The following DLGAP1 variants were observed in gnomAD, a reference collection of about 807,000 sequenced individuals.
DLGAP1 encodes the protein DLG associated protein 1.
DLGAP1 carries 11 observed loss-of-function variants against 90.8 expected under a neutral mutation model. The observed-to-expected ratio is 0.12, with a 90% confidence interval of 0.08 to 0.20. The LOEUF is 0.20. Among genes scored for constraint, DLGAP1 ranks in the 10% least tolerant of loss-of-function variants. The pLI, the probability that DLGAP1 is intolerant of heterozygous loss-of-function variation, is 1.00. For synonymous variants in DLGAP1, 558 were observed against 540.7 expected, an observed-to-expected ratio of 1.03 and a Z score of -0.44; for missense variants, 1,050 against 1,333.8, an observed-to-expected ratio of 0.79 and a Z score of 3.31.
At chr18:3,719,844 G>A (rs758599966) in intron 7 of DLGAP1, among the ~76,000 whole-genome samples, 1 of 152,092 alleles carries the variant, frequency 6.6e-6, no homozygotes, top group Non-Finnish European at 1.5e-5. Flanking sequence ...AAAAGAGAAA[G>A]GTTTTCAAAA....
intron 1 of DLGAP1, among the ~76,000 whole-genome samples, chr18:4,181,400 A>G (rs1034983476): frequency 3.3e-5 from 5 of 152,176 alleles, no homozygotes; most frequent in African/African-American, 1.2e-4. Context: ...ACCGAATCCA[A>G]CTGCTACAGG....
rs1726050595 is a variant in DLGAP1, at chr18:3,661,781, C to T, written c.1591+67354G>A. Among the ~76,000 whole-genome samples the T allele has an allele frequency of 2.0e-5, 3 of 151,774 alleles. No homozygotes were observed. In the South Asian group the frequency reaches 6.2e-4, roughly 32 times the overall value. On this transcript the variant is annotated intron_variant, in intron 7 of 12. Transcript: ENST00000315677. ...TATTTTAGCAGAGATGGGGTTTCAC[C>T]ATGTTGCTCAGGCTGGTCTCGAACT...
At chr18:3,704,502 A>G (rs765840845) in intron 7 of DLGAP1, among the ~76,000 whole-genome samples, 14 of 151,994 alleles carry the variant, frequency 9.2e-5, no homozygotes, top group Non-Finnish European at 1.9e-4. Context: ...CCCGGGAGGC[A>G]GAGGTTGCAG....
chr18:4,256,215 T>C (rs1479173863), intron 1 of DLGAP1, among the ~76,000 whole-genome samples: 1 of 152,140 alleles, frequency 6.6e-6, no homozygotes, highest in Non-Finnish European at 1.5e-5. Flanking sequence ...TGAGATGCCA[T>C]CTCTACAACA....
At chr18:3,823,349 A>C (rs2067527069) in intron 4 of DLGAP1, among the ~76,000 whole-genome samples, 1 of 152,204 alleles carries the variant, frequency 6.6e-6, no homozygotes, top group Non-Finnish European at 1.5e-5. Flanking sequence ...GATGCATGTG[A>C]CCTTAGGACT....
intron 7 of DLGAP1, among the ~76,000 whole-genome samples, chr18:3,650,096 T>G (rs1276004586): frequency 6.6e-6 from 1 of 152,192 alleles, no homozygotes; most frequent in Non-Finnish European, 1.5e-5. Flanking sequence ...CAGGCTGGAA[T>G]GCAGTTGCAC....
At chr18:4,275,875 A>AATATATCCAG (rs1393433892) in intron 1 of DLGAP1, among the ~76,000 whole-genome samples, 2 of 152,148 alleles carry the variant, frequency 1.3e-5, no homozygotes, top group African/African-American at 2.4e-5. Flanking sequence ...TAACAAAGAA[A>AATATATCCAG]ATATATCCAG....
At chr18:4,147,705 T>G (rs2076609995) in intron 2 of DLGAP1, among the ~76,000 whole-genome samples, 1 of 152,014 alleles carries the variant, frequency 6.6e-6, no homozygotes, top group Non-Finnish European at 1.5e-5. Context: ...GCATCAAAAA[T>G]CTTACTGTTG....
At chr18:4,412,512 G>A (rs2082801454) in intron 1 of DLGAP1, among the ~76,000 whole-genome samples, 1 of 152,240 alleles carries the variant, frequency 6.6e-6, no homozygotes, top group African/African-American at 2.4e-5. Flanking sequence ...TTACACTGAA[G>A]GAGCTGTGGC....
intron 2 of DLGAP1, among the ~76,000 whole-genome samples, chr18:4,138,414 C>T (rs1276665663): frequency 6.6e-6 from 1 of 151,942 alleles, no homozygotes; most frequent in Non-Finnish European, 1.5e-5. Flanking sequence ...TATTAAGACA[C>T]TATTTGGGCA....
intron 7 of DLGAP1, among the ~76,000 whole-genome samples, chr18:3,644,506 G>A (rs2059052038): frequency 6.6e-6 from 1 of 152,000 alleles, no homozygotes; most frequent in South Asian, 2.1e-4. Flanking sequence ...CGCCTCCCGG[G>A]TTCAAGTGAT....
rs778753676 is a variant in DLGAP1 at position 3,605,502 on chromosome 18, GTTACT to G, written c.1592-23259_1592-23255del. ...TGCTGCCTACAAACCAATTTGGATA[GTTACT>G]TTAAAGTATCTTATCTCTAGTTCTC... On this transcript the variant is annotated intron_variant, in intron 7 of 12. Coordinates refer to ENST00000315677, the MANE Select transcript of DLGAP1 (RefSeq NM_004746.4). Among the ~76,000 whole-genome samples, 21 of 152,302 alleles carry G rather than the reference GTTACT, an allele frequency of 1.4e-4. 1 individual carries two copies. Among genetic ancestry groups the G allele is most frequent in the Admixed American group, 3.3e-4 (5 of 15,296 alleles).
At chr18:4,292,525 G>C (rs1270920712) in intron 1 of DLGAP1, among the ~76,000 whole-genome samples, 1 of 151,610 alleles carries the variant, frequency 6.6e-6, no homozygotes, top group Non-Finnish European at 1.5e-5. Flanking sequence ...ATTTATCTTT[G>C]CTCATATTAT....
Position 4,438,901 on chromosome 18 carries a change from CT to C in DLGAP1, c.-267+16104del, listed in dbSNP as rs572002068. On this transcript the variant is annotated intron_variant, in intron 1 of 12. Transcript: ENST00000315677. ...GAAGCTCAAAATCACATGATGACCC[CT>C]GTCAATTGATATATGGGTAAACTGA... Among the ~76,000 whole-genome samples the C allele has an allele frequency of 4.2e-3, 644 of 152,240 alleles. 4 individuals are homozygous for C. Among genetic ancestry groups the C allele is most frequent in the Non-Finnish European group, 6.2e-3 (425 of 68,018 alleles).
At chr18:4,081,760 G>A (rs1230767980) in intron 2 of DLGAP1, among the ~76,000 whole-genome samples, 1 of 152,176 alleles carries the variant, frequency 6.6e-6, no homozygotes, top group Non-Finnish European at 1.5e-5. Flanking sequence ...GTATTTTAAA[G>A]AGAATCATTT....
At chr18:4,251,597 T>G (rs929153307) in intron 1 of DLGAP1, among the ~76,000 whole-genome samples, 14 of 152,214 alleles carry the variant, frequency 9.2e-5, no homozygotes, top group African/African-American at 3.4e-4. Flanking sequence ...AAATAGAGTA[T>G]GTGTATCACA....
intron 1 of DLGAP1, among the ~76,000 whole-genome samples, chr18:4,176,972 C>A (rs2077120027): frequency 6.6e-6 from 1 of 152,142 alleles, no homozygotes; most frequent in African/African-American, 2.4e-5. Context: ...AGGCTCACAG[C>A]TGGATCTTGG....
Position 4,001,113 on chromosome 18 carries a change from T to A in DLGAP1, c.-73+4003A>T, listed in dbSNP as rs1254749975. On this transcript the variant is annotated intron_variant, in intron 3 of 12. Transcript: ENST00000315677. ...TTTAAATCTTTTTATTTTAAAAATA[T>A]TCATTCTTTTCTTTTCTATTTTTCT... Among the ~76,000 whole-genome samples, 12 of 13,434 alleles carry A rather than the reference T, an allele frequency of 8.9e-4. 1 individual carries two copies. The Admixed American group carries it at 0.012, about 14-fold the overall frequency. 8.8% of individuals were successfully genotyped at this position (13,434 alleles called of 152,430 possible).
rs375796098 is a variant in DLGAP1 at position 3,723,884 on chromosome 18, G to A, written c.1591+5251C>T. Reference sequence around the variant, plus strand: ...TCAAACTGTAAATACTTCTGTTACTGTGGTCCCAAGCTACATCCAAGAGGG... The same window carrying A: ...TCAAACTGTAAATACTTCTGTTACTATGGTCCCAAGCTACATCCAAGAGGG... On this transcript the variant is annotated intron_variant, in intron 7 of 12. Transcript: ENST00000315677. 7.2e-5 allele frequency among the ~76,000 whole-genome samples: 11 copies of A among 152,288 alleles called. No individual in the cohort carries two copies. In the East Asian group the frequency reaches 2.1e-3, roughly 29 times the overall value.
Sources: gnomAD v4.1 joint callset for allele counts (sites outside exome capture counted in the v4.1 genomes callset) on GRCh38, gnomAD v4.1.1 for gene constraint, MANE v1.5 for transcripts, NCBI Gene and HGNC (gene_info 2026-07-23, HGNC 2026-07-21) for gene names.